KCNQ5: variants seen among roughly 807,000 people sequenced by gnomAD.
The protein encoded by KCNQ5 is potassium voltage-gated channel subfamily Q member 5.
In KCNQ5, 30 loss-of-function variants were observed where a neutral mutation model predicts 98.2. The ratio of observed to expected loss-of-function variants is 0.31; its 90% CI spans 0.23 to 0.41. KCNQ5 has a LOEUF of 0.41. KCNQ5 is among the 10% of genes least tolerant of loss of function. The pLI is 1.00. For synonymous variants in KCNQ5, 458 were observed against 449.4 expected (o/e 1.02, Z -0.24); for missense variants, 835 against 1,182.5 (o/e 0.71, Z 4.31).
chr6:73,009,395 G>T (rs1769959818), intron 2 of KCNQ5, among the ~76,000 whole-genome samples: 1 of 152,052 alleles, frequency 6.6e-6, no homozygotes, highest in Non-Finnish European at 1.5e-5. Context: ...AGTGAAAGTT[G>T]TGCTAAGATT....
In KCNQ5 at chr6:73,111,638, G is replaced by A. The variant is rs564735916; in HGVS notation, c.1125+235G>A. 5.3e-5 allele frequency among the ~76,000 whole-genome samples: 8 copies of A among 152,340 alleles called. No individual in the cohort carries two copies. The South Asian group carries it at 1.7e-3, about 32-fold the overall frequency. On this transcript the variant is annotated intron_variant, in intron 7 of 13. Transcript: ENST00000370398. The stretch of plus-strand genomic sequence containing the variant: ...ATGGTCCATGCATTGTTCAGACTAA[G>A]TAACCATGTCAGCAAGGCCATGCAA...
intron 1 of KCNQ5, among the ~76,000 whole-genome samples, chr6:72,887,632 G>T (rs1477580291): frequency 1.3e-5 from 2 of 152,148 alleles, no homozygotes. Context: ...TGTTGATAGT[G>T]GTGGTGATTA....
chr6:73,058,943 G>A (rs1293467443), intron 3 of KCNQ5, among the ~76,000 whole-genome samples: 3 of 152,326 alleles, frequency 2.0e-5, no homozygotes, highest in African/African-American at 7.2e-5. Context: ...GGAGAAAAAG[G>A]AATGCTTATA....
chr6:72,864,110 T>G (rs1389674212), intron 1 of KCNQ5, among the ~76,000 whole-genome samples: 1 of 152,228 alleles, frequency 6.6e-6, no homozygotes, highest in Non-Finnish European at 1.5e-5. Context: ...TCTTGTATCT[T>G]AAGGTATCAA....
At chr6:72,753,323 G>T (rs757862823) in intron 1 of KCNQ5, among the ~76,000 whole-genome samples, 15 of 151,920 alleles carry the variant, frequency 9.9e-5, no homozygotes, top group African/African-American at 3.4e-4. Context: ...CATTTTACAG[G>T]TATACCATAA....
chr6:72,762,882 A>C (rs1467702913), intron 1 of KCNQ5, among the ~76,000 whole-genome samples: 1 of 151,996 alleles, frequency 6.6e-6, no homozygotes, highest in Non-Finnish European at 1.5e-5. Flanking sequence ...CTTATATCTT[A>C]TTTAAATATT....
chr6:72,689,172 A>C (rs1010753933), intron 1 of KCNQ5, among the ~76,000 whole-genome samples: 1 of 152,220 alleles, frequency 6.6e-6, no homozygotes, highest in African/African-American at 2.4e-5. Context: ...TAGAAAACAA[A>C]AACCATGCAG....
At position 72,622,597 on chromosome 6, in the gene KCNQ5, C is replaced by A. The variant is rs2154471245; in HGVS notation, c.398+10C>A. 6.2e-7 allele frequency: 1 copy of A among 1,611,886 alleles called. No individual in the cohort carries two copies. Among genetic ancestry groups the A allele is most frequent in the East Asian group, 2.2e-5 (1 of 44,694 alleles). ...TCTACCACGCTTTCGTGTGAGTACC[C>A]GCGCCCCCTGCTATGCCCGCTGCAG... On this transcript the variant is annotated intron_variant, in intron 1 of 13. Coordinates refer to ENST00000370398, the MANE Select transcript of KCNQ5 (RefSeq NM_019842.4). The surrounding 1 kb of genome is among the most constrained non-coding windows in gnomAD (Gnocchi z 6.0).
chr6:72,920,995 A>C (rs960444723), intron 1 of KCNQ5, among the ~76,000 whole-genome samples: 1 of 152,204 alleles, frequency 6.6e-6, no homozygotes, highest in Admixed American at 6.5e-5. Flanking sequence ...AACATGAAAA[A>C]ACACTATGAT....
At chr6:73,187,322 G>C (rs1392347049) in intron 11 of KCNQ5, among the ~76,000 whole-genome samples, 1 of 152,166 alleles carries the variant, frequency 6.6e-6, no homozygotes, top group African/African-American at 2.4e-5. Flanking sequence ...GCCTCCCAAA[G>C]TGCTAGGATT....
chr6:73,008,495 A>G (rs533759753), intron 2 of KCNQ5, among the ~76,000 whole-genome samples: 4 of 152,276 alleles, frequency 2.6e-5, no homozygotes, highest in South Asian at 2.1e-4. Context: ...ACTTTAAATC[A>G]AAAAAGTTAT....
At chr6:72,849,782 C>A (rs1259720683) in intron 1 of KCNQ5, among the ~76,000 whole-genome samples, 1 of 152,116 alleles carries the variant, frequency 6.6e-6, no homozygotes, top group Non-Finnish European at 1.5e-5. Flanking sequence ...AACATTGATC[C>A]TGTCAGGTCT....
chr6:73,108,759 G>A (rs74523875), intron 6 of KCNQ5, among the ~76,000 whole-genome samples: 2,625 of 152,058 alleles, frequency 0.017, 74 homozygotes, highest in African/African-American at 0.059. Flanking sequence ...CCCAGGAGGC[G>A]GAACTTGCAG....
At chr6:72,946,624 T>G (rs764638515) in intron 1 of KCNQ5, among the ~76,000 whole-genome samples, 40 of 152,212 alleles carry the variant, frequency 2.6e-4, no homozygotes, top group Non-Finnish European at 1.3e-4. Context: ...AACTTTGAAT[T>G]TAACTATTTC....
intron 5 of KCNQ5, among the ~76,000 whole-genome samples, chr6:73,087,883 C>A (rs547836443): frequency 6.6e-6 from 1 of 152,190 alleles, no homozygotes; most frequent in East Asian, 1.9e-4. Flanking sequence ...GAATTGTTCC[C>A]CCTCTTTCAA....
chr6:72,874,074 TATTTA>T lies in KCNQ5; in HGVS notation c.399-129831_399-129827del, dbSNP rs76673673. The stretch of plus-strand genomic sequence containing the variant: ...TATTTCTAAAATCCAGCTGATATTA[TATTTA>T]ATGTTTTAATTATGATATCCTTTAA... On this transcript the variant is annotated intron_variant, in intron 1 of 13. Coordinates refer to ENST00000370398, the MANE Select transcript of KCNQ5 (RefSeq NM_019842.4). 6.7e-4 allele frequency among the ~76,000 whole-genome samples: 102 copies of T among 152,098 alleles called. No homozygotes were observed. In the East Asian group the frequency reaches 0.018, roughly 27 times the overall value.
chr6:73,032,454 C>A (rs553589888), intron 2 of KCNQ5, among the ~76,000 whole-genome samples: 15 of 152,232 alleles, frequency 9.9e-5, no homozygotes, highest in African/African-American at 3.6e-4. Flanking sequence ...GGGCATGAAC[C>A]ACTGCTCCCA....
chr6:73,039,999 T>A (rs1176687250), intron 2 of KCNQ5, among the ~76,000 whole-genome samples: 3 of 151,222 alleles, frequency 2.0e-5, no homozygotes, highest in Non-Finnish European at 4.4e-5. Context: ...ATTTTGAGAC[T>A]GTCTTGTCAT....
intron 1 of KCNQ5, among the ~76,000 whole-genome samples, chr6:72,943,049 A>C (rs1218849658): frequency 6.6e-6 from 1 of 152,212 alleles, no homozygotes; most frequent in Non-Finnish European, 1.5e-5. Context: ...AACTAAAGGC[A>C]ATTCAACATT....
Sources: gnomAD v4.1 joint callset for allele counts (sites outside exome capture counted in the v4.1 genomes callset) on GRCh38, gnomAD v4.1.1 for gene constraint, Gnocchi (gnomAD v3.1) non-coding constraint, MANE v1.5 for transcripts, NCBI Gene and HGNC (gene_info 2026-07-23, HGNC 2026-07-21) for gene names.